Variants in PLEKHH2 observed in about 807,000 individuals in gnomAD.
PLEKHH2 encodes pleckstrin homology, MyTH4 and FERM domain containing H2.
PLEKHH2 carries 129 observed loss-of-function variants against 187.9 expected under a neutral mutation model. That is an observed-to-expected ratio of 0.69 (90% CI 0.59 to 0.79). PLEKHH2 has a LOEUF of 0.79. Ranked by LOEUF, PLEKHH2 falls within the 30% of genes least tolerant of loss-of-function variation. The pLI is 0.00. For missense variants in PLEKHH2, 2,076 were observed against 1,751.2 expected, an observed-to-expected ratio of 1.19 and a Z score of -3.31; for synonymous variants, 686 against 605.6, an observed-to-expected ratio of 1.13 and a Z score of -1.95.
At chr2:43,656,807 T>C (rs9309106) in intron 2 of PLEKHH2, among the ~76,000 whole-genome samples, 2,040 of 152,150 alleles carry the variant, frequency 0.013, 40 homozygotes, top group African/African-American at 0.047. Context: ...CACCTGAAGC[T>C]AGGAGTTTGA....
At chr2:43,756,167 A>G (rs1672203330) in intron 25 of PLEKHH2, among the ~76,000 whole-genome samples, 1 of 152,226 alleles carries the variant, frequency 6.6e-6, no homozygotes, top group Non-Finnish European at 1.5e-5. Flanking sequence ...GATTAATGCT[A>G]GTAGAATGAG....
rs955194439 is a variant in PLEKHH2 at position 43,713,976 on chromosome 2, G to GT, written c.2460+1599dup. On this transcript the variant is annotated intron_variant, in intron 15 of 29. Coordinates refer to ENST00000282406, the MANE Select transcript of PLEKHH2 (RefSeq NM_172069.4). ...AACAAAGAAATATACTATGTACTAT[G>GT]TTTTTTCTAAAATACGACTGTGAAA... is the stretch of plus-strand genomic sequence containing the variant. Among the ~76,000 whole-genome samples the GT allele has an allele frequency of 1.6e-3, 248 of 152,250 alleles. 2 individuals carry two copies. Among genetic ancestry groups the GT allele is most frequent in the African/African-American group, 5.7e-3 (236 of 41,554 alleles).
chr2:43,720,685 C>G lies in PLEKHH2; in HGVS notation c.2477C>G (p.Ser826Cys). Residue 826 changes from serine to cysteine, a missense_variant, in exon 16 of 30, where the codon TCC becomes TGC. Physicochemically the swap from Ser to Cys is moderately radical, Grantham distance 112. Coordinates refer to ENST00000282406, the MANE Select transcript of PLEKHH2 (RefSeq NM_172069.4). ...GLLTKVKHGY[S>C]KRVWCTLIGK... is the part of the protein sequence containing the mutation. ...TGGTTTCAGGTAAAACATGGATATT[C>G]CAAGAGAGTCTGGTGTACACTAATA... is the stretch of plus-strand genomic sequence containing the variant. 2 of 1,609,670 alleles carry G rather than the reference C, an allele frequency of 1.2e-6. No homozygotes were observed. Among genetic ancestry groups the G allele is most frequent in the Non-Finnish European group, 1.7e-6 (2 of 1,178,584 alleles).
At chr2:43,708,266 G>A (rs531758856) in intron 11 of PLEKHH2, among the ~76,000 whole-genome samples, 1 of 152,252 alleles carries the variant, frequency 6.6e-6, no homozygotes, top group Non-Finnish European at 1.5e-5. Context: ...CACTGCAGTG[G>A]CTCCTCACAA....
chr2:43,678,147 A>C (rs6729506), intron 2 of PLEKHH2, among the ~76,000 whole-genome samples: 103,947 of 147,908 alleles, frequency 0.7, 37,143 homozygotes, highest in African/African-American at 0.8. Context: ...ACATCTCAGA[A>C]GATGGGTGGC....
intron 2 of PLEKHH2, among the ~76,000 whole-genome samples, chr2:43,672,271 G>C (rs558688698): frequency 6.6e-6 from 1 of 151,636 alleles, no homozygotes; most frequent in East Asian, 1.9e-4. Flanking sequence ...TTTCTTTTTT[G>C]CTTTATTGGT....
At chr2:43,723,441 A>T (rs571126889) in intron 16 of PLEKHH2, among the ~76,000 whole-genome samples, 1 of 152,192 alleles carries the variant, frequency 6.6e-6, no homozygotes, top group Non-Finnish European at 1.5e-5. Flanking sequence ...AGGCAAAGAG[A>T]CTTGGGCTGG....
intron 29 of PLEKHH2, among the ~76,000 whole-genome samples, chr2:43,764,637 G>C (rs1041488289): frequency 6.6e-6 from 1 of 152,054 alleles, no homozygotes; most frequent in Non-Finnish European, 1.5e-5. Context: ...AAGTTTGTAG[G>C]GTACTTAGCC....
intron 10 of PLEKHH2, 109 bp downstream of exon 10, chr2:43,706,525 C>T: frequency 2.5e-6 from 2 of 789,200 alleles, no homozygotes; most frequent in Non-Finnish European, 4.1e-6. Flanking sequence ...ACAGGCTCTC[C>T]CTTTATAGAA....
Position 43,765,547 on chromosome 2 carries a change from C to A in PLEKHH2, c.4431C>A (p.Ser1477Arg), listed in dbSNP as rs1395575469. The A allele has an allele frequency of 6.2e-7, 1 of 1,613,790 alleles. No individual in the cohort carries two copies. ...GACCCCAAGCCAGAATGATGGGAAG[C>A]CAGCCTCTTCTGTCAAGCAGCAGAC... Reference protein sequence around the residue: ...TRGPQARMMGSQPLLSSSRPT... With the variant: ...TRGPQARMMGRQPLLSSSRPT... The change falls in exon 30 of 30, where the codon AGC (serine) becomes AGA (arginine). Residue 1477 changes from serine to arginine, a missense_variant. Ser to Arg is a moderately radical substitution (Grantham distance 110). Transcript: ENST00000282406.
rs182859557 is a variant in PLEKHH2, at chr2:43,763,757, A to G, written c.4159-471A>G. On this transcript the variant is annotated intron_variant, in intron 28 of 29. Transcript: ENST00000282406. Reference sequence around the variant, plus strand: ...AAAAAATATTTGCTGCATATGTGACAAAGGGTTAATACGTGATACTGTTTC... The same window carrying G: ...AAAAAATATTTGCTGCATATGTGACGAAGGGTTAATACGTGATACTGTTTC... Among the ~76,000 whole-genome samples the G allele has an allele frequency of 1.2e-4, 19 of 152,276 alleles. No homozygotes were observed. The East Asian group carries it at 3.7e-3, about 29-fold the overall frequency.
Position 43,765,522 on chromosome 2 carries a change from G to T in PLEKHH2, c.4406G>T (p.Gly1469Val). Reference protein sequence around the residue: ...APALLSAQTRGPQARMMGSQP... With the variant: ...APALLSAQTRVPQARMMGSQP... ...GCACTGCTCTCAGCCCAGACCCGGG[G>T]ACCCCAAGCCAGAATGATGGGAAGC... The change falls in exon 30 of 30, where the codon GGA becomes GTA. Residue 1469 changes from glycine to valine, a missense_variant. Transcript: ENST00000282406. The T allele has an allele frequency of 6.2e-7, 1 of 1,614,002 alleles. No individual in the cohort carries two copies. The highest frequency in any genetic ancestry group is 8.5e-7 in the Non-Finnish European group (1 of 1,180,000).
intron 19 of PLEKHH2, among the ~76,000 whole-genome samples, chr2:43,734,903 T>C (rs983144823): frequency 1.3e-5 from 2 of 152,226 alleles, no homozygotes; most frequent in Non-Finnish European, 2.9e-5. Flanking sequence ...GGCTCAGGCC[T>C]GTAATCCCAG....
chr2:43,732,010 G>A (rs547645652), intron 19 of PLEKHH2, among the ~76,000 whole-genome samples: 16 of 152,232 alleles, frequency 1.1e-4, no homozygotes, highest in African/African-American at 3.6e-4. Context: ...AACTTGCCAT[G>A]CAACTTCGCA....
chr2:43,711,893 CAAAA>C (rs58170865), intron 14 of PLEKHH2: 205 of 839,742 alleles, frequency 2.4e-4, no homozygotes, highest in Middle Eastern at 1.2e-3. Flanking sequence ...GACTCTGTCT[CAAAA>C]AAAAAAAAAA....
At chr2:43,763,911 G>T (rs1672524667) in intron 28 of PLEKHH2, among the ~76,000 whole-genome samples, 1 of 151,658 alleles carries the variant, frequency 6.6e-6, no homozygotes, top group African/African-American at 2.4e-5. Flanking sequence ...TATATGAAAG[G>T]GCATATAAAA....
intron 17 of PLEKHH2, among the ~76,000 whole-genome samples, chr2:43,727,196 A>G (rs1264274191): frequency 6.6e-6 from 1 of 152,074 alleles, no homozygotes; most frequent in Non-Finnish European, 1.5e-5. Flanking sequence ...GGTGGATCAC[A>G]AGGTCAGGAA....
chr2:43,707,684 C>A, intron 11 of PLEKHH2, 139 bp downstream of exon 11: 1 of 902,944 alleles, frequency 1.1e-6, no homozygotes, highest in East Asian at 2.7e-5. Context: ...TAGCCTATGA[C>A]TGATATGTTT....
In PLEKHH2 at chr2:43,757,247, T is replaced by G; in HGVS notation, c.3924T>G (p.Cys1308Trp). The change falls in exon 26 of 30, where the codon TGT becomes TGG. Residue 1308 changes from cysteine to tryptophan, a missense_variant. Transcript: ENST00000282406. The part of the protein sequence containing the change: ...KFYPKRYRDG[C>W]SEEQLRQLCQ... ...ATCCTAAAAGGTATAGAGATGGCTG[T>G]TCTGAAGAGCAGTTAAGGTAAGGAA... 1.9e-6 allele frequency: 3 copies of G among 1,576,962 alleles called. No individual in the cohort carries two copies. The highest frequency in any genetic ancestry group is 2.6e-6 in the Non-Finnish European group (3 of 1,165,928).
Sources: gnomAD v4.1 joint callset for allele counts (sites outside exome capture counted in the v4.1 genomes callset) on GRCh38, gnomAD v4.1.1 for gene constraint, MANE v1.5 for transcripts, NCBI Gene and HGNC (gene_info 2026-07-23, HGNC 2026-07-21) for gene names.